Variants in ADAMTSL3 observed in about 807,000 individuals in gnomAD.
ADAMTSL3 encodes ADAMTS like 3.
In ADAMTSL3, 128 loss-of-function variants were observed where a neutral mutation model predicts 201.7. The observed-to-expected ratio is 0.63, with a 90% confidence interval of 0.55 to 0.73. The LOEUF is 0.73. Among genes scored for constraint, ADAMTSL3 ranks in the 30% least tolerant of loss-of-function variants. ADAMTSL3 has a pLI of 0.00. For missense variants in ADAMTSL3, 1,990 were observed against 2,119.6 expected (o/e 0.94, Z 1.20); for synonymous variants, 738 against 748.4 (o/e 0.99, Z 0.23).
At chr15:83,881,810 G>T (rs541280797) in intron 9 of ADAMTSL3, among the ~76,000 whole-genome samples, 1 of 151,260 alleles carries the variant, frequency 6.6e-6, no homozygotes, top group African/African-American at 2.4e-5. Flanking sequence ...AGCTGAGATC[G>T]CACCACTGTT....
Position 84,021,425 on chromosome 15 carries a change from C to T in ADAMTSL3, c.4289C>T (p.Pro1430Leu), listed in dbSNP as rs773874090. The change falls in exon 26 of 30, where the codon CCT becomes CTT. Residue 1430 changes from proline to leucine, a missense_variant. Coordinates refer to ENST00000286744, the MANE Select transcript of ADAMTSL3 (RefSeq NM_207517.3). ...EPPPQEPFWE[P>L]GNWSHCSATC... Reference sequence around the variant, plus strand: ...CTTTCTGCAGAGCCTTTTTGGGAGCCTGGTAACTGGTCACATTGTTCTGCC... The same window carrying T: ...CTTTCTGCAGAGCCTTTTTGGGAGCTTGGTAACTGGTCACATTGTTCTGCC... 6 of 1,613,796 alleles carry T rather than the reference C, an allele frequency of 3.7e-6. No individual in the cohort carries two copies. In the Admixed American group the frequency reaches 6.7e-5, roughly 18 times the overall value.
chr15:83,888,905 T>C lies in ADAMTSL3; in HGVS notation c.1073-1204T>C, dbSNP rs150290584. ...AGATTCCTCTCGACAATCAGGACTT[T>C]AAATGTATTTTTAGACCTTTAGACC... On this transcript the variant is annotated intron_variant, in intron 10 of 29. Transcript: ENST00000286744. Among the ~76,000 whole-genome samples the C allele has an allele frequency of 3.5e-3, 539 of 152,340 alleles. 2 individuals are homozygous for C. Among genetic ancestry groups the C allele is most frequent in the African/African-American group, 0.012 (514 of 41,576 alleles).
intron 2 of ADAMTSL3, among the ~76,000 whole-genome samples, chr15:83,670,517 G>A (rs532575931): frequency 6.6e-6 from 1 of 151,992 alleles, no homozygotes; most frequent in South Asian, 2.1e-4. Flanking sequence ...ATATGCACAC[G>A]TATGTTTTTC....
intron 19 of ADAMTSL3, among the ~76,000 whole-genome samples, chr15:83,966,246 C>G (rs1169888046): frequency 6.6e-6 from 1 of 152,136 alleles, no homozygotes; most frequent in East Asian, 1.9e-4. Context: ...AATCCCAGAG[C>G]TGGTATTTTG....
intron 3 of ADAMTSL3, among the ~76,000 whole-genome samples, chr15:83,771,237 A>G (rs1011817885): frequency 6.7e-6 from 1 of 149,294 alleles, no homozygotes; most frequent in Non-Finnish European, 1.5e-5. Context: ...CTCTTAATTG[A>G]GACAATTTTC....
chr15:83,971,498 A>T (rs2142126638), intron 20 of ADAMTSL3, among the ~76,000 whole-genome samples: 1 of 144,102 alleles, frequency 6.9e-6, no homozygotes, highest in Admixed American at 7.0e-5. Flanking sequence ...CGGAGGTTGC[A>T]GTGAGTCGAG....
chr15:83,662,729 C>T (rs1397049292), intron 2 of ADAMTSL3, among the ~76,000 whole-genome samples: 1 of 152,128 alleles, frequency 6.6e-6, no homozygotes, highest in Non-Finnish European at 1.5e-5. Context: ...TCTTTTCCCT[C>T]TACCATGGAA....
At chr15:83,863,285 C>T (rs530070342) in intron 8 of ADAMTSL3, among the ~76,000 whole-genome samples, 6 of 151,994 alleles carry the variant, frequency 3.9e-5, no homozygotes, top group Admixed American at 6.6e-5. Flanking sequence ...AGACATCTAC[C>T]GAACTCTCCA....
intron 7 of ADAMTSL3, among the ~76,000 whole-genome samples, chr15:83,853,883 G>T (rs534016246): frequency 4.6e-5 from 7 of 150,878 alleles, no homozygotes; most frequent in African/African-American, 1.7e-4. Context: ...TGCTACATTG[G>T]TTCATTATCC....
chr15:83,817,917 G>A (rs113817743), intron 5 of ADAMTSL3, among the ~76,000 whole-genome samples: 13,366 of 152,002 alleles, frequency 0.088, 740 homozygotes, highest in East Asian at 0.25. Context: ...GCATGGTGGC[G>A]GGCACCTGTA....
Position 83,822,951 on chromosome 15 carries a change from G to A in ADAMTSL3, c.600+2904G>A, listed in dbSNP as rs538484050. ...ACTCCGTCTGCAATCCCGGCACCTCGGGAGGCGGAGGCTGGCGGATCACTC... is the reference window on the plus strand; with the variant it reads ...ACTCCGTCTGCAATCCCGGCACCTCAGGAGGCGGAGGCTGGCGGATCACTC... On this transcript the variant is annotated intron_variant, in intron 6 of 29. Transcript: ENST00000286744. 2.1e-3 allele frequency among the ~76,000 whole-genome samples: 314 copies of A among 152,208 alleles called. 1 individual carries two copies. The highest frequency in any genetic ancestry group is 7.2e-3 in the African/African-American group (300 of 41,532).
At chr15:84,035,190 G>GC (rs2068482529) in intron 28 of ADAMTSL3, among the ~76,000 whole-genome samples, 2 of 152,028 alleles carry the variant, frequency 1.3e-5, no homozygotes, top group African/African-American at 4.8e-5. Context: ...CTTCCCACTG[G>GC]CCCTGCCTTT....
intron 25 of ADAMTSL3, among the ~76,000 whole-genome samples, chr15:84,019,772 A>G (rs1487608928): frequency 4.6e-5 from 7 of 151,550 alleles, no homozygotes; most frequent in Non-Finnish European, 8.8e-5. Context: ...CACACCTGTA[A>G]TCCCAGCTTC....
rs916401761 is a variant in ADAMTSL3, at chr15:83,818,044, A to G, written c.364-1767A>G. ...AAACGCAAACGAAAACAATGAAGTT[A>G]TATTTTATACTTCTGATTGGAAAAA... is the stretch of plus-strand genomic sequence containing the variant. On this transcript the variant is annotated intron_variant, in intron 5 of 29. Coordinates refer to ENST00000286744, the MANE Select transcript of ADAMTSL3 (RefSeq NM_207517.3). Among the ~76,000 whole-genome samples the G allele has an allele frequency of 9.9e-4, 151 of 152,180 alleles. 4 individuals are homozygous for G. The highest frequency in any genetic ancestry group is 9.8e-3 in the Admixed American group (149 of 15,274).
intron 20 of ADAMTSL3, 24 bp downstream of exon 20, chr15:83,970,661 C>T: frequency 6.2e-7 from 1 of 1,611,784 alleles, no homozygotes. Context: ...GTCCGCGCTT[C>T]ACCAAGATAT....
intron 25 of ADAMTSL3, among the ~76,000 whole-genome samples, chr15:84,019,393 AG>A (rs1184429096): frequency 6.6e-6 from 1 of 152,074 alleles, no homozygotes; most frequent in Non-Finnish European, 1.5e-5. Flanking sequence ...TTTCACTCAC[AG>A]GTATTTACCC....
intron 3 of ADAMTSL3, among the ~76,000 whole-genome samples, chr15:83,729,624 G>C (rs986879850): frequency 5.9e-5 from 9 of 151,668 alleles, no homozygotes; most frequent in African/African-American, 2.2e-4. Flanking sequence ...CAATCTCTTT[G>C]TTAGTTTTAT....
At chr15:84,018,169 G>C (rs2068121949) in intron 25 of ADAMTSL3, among the ~76,000 whole-genome samples, 1 of 152,198 alleles carries the variant, frequency 6.6e-6, no homozygotes, top group South Asian at 2.1e-4. Flanking sequence ...CAAACTCTTG[G>C]TTTATTGGGA....
At chr15:83,837,859 G>T (rs1430645459) in intron 6 of ADAMTSL3, among the ~76,000 whole-genome samples, 1 of 151,026 alleles carries the variant, frequency 6.6e-6, no homozygotes, top group African/African-American at 2.5e-5. Flanking sequence ...GGAGGGGTAT[G>T]GAGGGACAGC....
Sources: allele counts gnomAD v4.1 joint callset (sites outside exome capture counted in the v4.1 genomes callset), GRCh38; gene constraint gnomAD v4.1.1; transcripts MANE v1.5; gene names NCBI Gene and HGNC (gene_info 2026-07-23, HGNC 2026-07-21).